Variants in COL6A3 observed in about 807,000 individuals in gnomAD.
COL6A3 encodes collagen type VI alpha 3 chain.
A neutral mutation model predicts 274.1 loss-of-function variants in COL6A3; 137 were observed. The observed-to-expected ratio is 0.50, with a 90% confidence interval of 0.44 to 0.58. The LOEUF (loss-of-function observed/expected upper bound fraction) is 0.58, where lower values mean the gene tolerates loss of function less well. Ranked by LOEUF, COL6A3 falls within the 20% of genes least tolerant of loss-of-function variation. COL6A3 has a pLI of 0.00. For missense variants in COL6A3, 3,950 were observed against 4,124.9 expected (o/e 0.96, Z 1.16); for synonymous variants, 1,650 against 1,650.6 (o/e 1.00, Z 0.01).
chr2:237,363,204 G>A lies in COL6A3; in HGVS notation c.6063+49C>T, dbSNP rs200589284. On this transcript the variant is annotated intron_variant, in intron 14 of 43. Transcript: ENST00000295550. ...ACTTCATTCTCTTGAAATGCCAAAA[G>A]GTGTGGTATCTACACTGGTCTGTGT... The A allele has an allele frequency of 3.4e-4, 535 of 1,591,868 alleles. 1 individual carries two copies. The highest frequency in any genetic ancestry group is 7.7e-4 in the Admixed American group (46 of 59,722).
At position 237,363,300 on chromosome 2, in the gene COL6A3, G is replaced by A. The variant is rs772662127; in HGVS notation, c.6016C>T (p.Leu2006=). 3 of 1,613,956 alleles carry A rather than the reference G, an allele frequency of 1.9e-6. No individual in the cohort carries two copies. Among genetic ancestry groups the A allele is most frequent in the South Asian group, 2.2e-5 (2 of 91,070 alleles). Residue 2006 remains leucine (L), a synonymous_variant, in exon 14 of 44, where the codon CTG becomes TTG. Coordinates refer to ENST00000295550, the MANE Select transcript of COL6A3 (RefSeq NM_004369.4). ...TCCAAGTCCAGCAAGTTAAGCCTCA[G>A]GGGCCTGTCATACATAAACCCTCGC... ...FGRGFMYDRP[L]RLNLLDLDYE... is the part of the protein sequence containing the mutation.
rs752002389 is a variant in COL6A3 at position 237,374,335 on chromosome 2, C to T, written c.3679+77G>A. The stretch of plus-strand genomic sequence containing the variant: ...ATGGCAGGAAAAGCAAAATTGAGAA[C>T]ACCTTGTGGCCCACAGTCCAGACAA... On this transcript the variant is annotated intron_variant, in intron 8 of 43. Coordinates refer to ENST00000295550, the MANE Select transcript of COL6A3 (RefSeq NM_004369.4). The surrounding 1 kb of genome is among the most constrained non-coding windows in gnomAD (Gnocchi z 4.8). The T allele has an allele frequency of 8.8e-6, 14 of 1,590,588 alleles. No individual in the cohort carries two copies. Among genetic ancestry groups the T allele is most frequent in the Admixed American group, 1.7e-5 (1 of 59,840 alleles).
intron 1 of COL6A3, among the ~76,000 whole-genome samples, chr2:237,406,150 A>G (rs1574778473): frequency 1.3e-5 from 2 of 152,174 alleles, no homozygotes; most frequent in South Asian, 4.1e-4. Flanking sequence ...ATTGCCCTAC[A>G]TGGCCCTTCA....
At chr2:237,351,504 T>C (rs1464651669) in intron 26 of COL6A3, among the ~76,000 whole-genome samples, 1 of 152,220 alleles carries the variant, frequency 6.6e-6, no homozygotes, top group Non-Finnish European at 1.5e-5. Flanking sequence ...CTCCCAGATT[T>C]TATGTGACTT....
At chr2:237,333,174 C>T (rs1700352109) in intron 42 of COL6A3, 4 of 504,896 alleles carry the variant, frequency 7.9e-6, no homozygotes, top group Admixed American at 3.2e-5. Context: ...GTATGAGGCA[C>T]AGGAGAAATG....
intron 38 of COL6A3, among the ~76,000 whole-genome samples, chr2:237,339,917 G>A (rs903897778): frequency 2.6e-5 from 4 of 152,162 alleles, no homozygotes; most frequent in East Asian, 1.9e-4. Flanking sequence ...AGAAGCCATT[G>A]GAATTGAACT....
chr2:237,395,266 C>T, intron 2 of COL6A3, 62 bp from the exon 3 acceptor site: 1 of 1,570,098 alleles, frequency 6.4e-7, no homozygotes, highest in East Asian at 2.2e-5. Flanking sequence ...CCTATCAATG[C>T]AAAGCCTTCC....
intron 23 of COL6A3, chr2:237,357,066 C>A: frequency 9.0e-6 from 5 of 555,296 alleles, no homozygotes; most frequent in East Asian, 3.1e-5. Context: ...TTGGATCAAA[C>A]CTGGCCCGAT....
intron 34 of COL6A3, 47 bp downstream of exon 34, chr2:237,345,011 G>A (rs372258481): frequency 4.3e-5 from 69 of 1,613,928 alleles, no homozygotes; most frequent in African/African-American, 2.9e-4. Context: ...TGAGAATTTC[G>A]AATGTAAAAA....
chr2:237,325,833 A>G (rs1268696269), intron 42 of COL6A3, 109 bp from the exon 43 acceptor site: 2 of 924,442 alleles, frequency 2.2e-6, no homozygotes, highest in Non-Finnish European at 3.3e-6. Flanking sequence ...AGGAAAAAAA[A>G]GAAGAGCTTC....
At chr2:237,392,994 G>A (rs532450954) in intron 3 of COL6A3, among the ~76,000 whole-genome samples, 12 of 152,258 alleles carry the variant, frequency 7.9e-5, no homozygotes, top group African/African-American at 2.2e-4. Context: ...CTCTCCTTCC[G>A]AGACCTGGCC....
At chr2:237,372,836 T>C (rs989362007) in intron 8 of COL6A3, among the ~76,000 whole-genome samples, 3 of 151,964 alleles carry the variant, frequency 2.0e-5, no homozygotes, top group Non-Finnish European at 2.9e-5. Context: ...AGAGAGGGTG[T>C]TTAAGAGAGA....
chr2:237,348,729 C>A lies in COL6A3; in HGVS notation c.6880-66G>T. 7 of 1,425,536 alleles carry A rather than the reference C, an allele frequency of 4.9e-6. No individual in the cohort carries two copies. The South Asian group carries it at 5.8e-5, about 12-fold the overall frequency. The allele number at this position is 1,425,536 out of a possible 1,614,324, so 88.3% of individuals were successfully genotyped here. On this transcript the variant is annotated intron_variant, in intron 28 of 43. Transcript: ENST00000295550. Reference sequence around the variant, plus strand: ...TGGCACACCATAACCACCGTCTCTGCCCTGCCGCTGCCCCTGAGAAGTGGA... The same window carrying A: ...TGGCACACCATAACCACCGTCTCTGACCTGCCGCTGCCCCTGAGAAGTGGA...
rs756402073 is a variant in COL6A3 at position 237,344,694 on chromosome 2, C to T, written c.7324G>A (p.Gly2442Arg). 1 of 1,609,782 alleles carries T rather than the reference C, an allele frequency of 6.2e-7. No homozygotes were observed. Among genetic ancestry groups the T allele is most frequent in the Non-Finnish European group, 8.5e-7 (1 of 1,177,338 alleles). The change falls in exon 36 of 44, where the codon GGG becomes AGG. Residue 2442 changes from glycine (G) to arginine (R), a missense_variant. This residue lies in a region of COL6A3 where 1,284 missense variants were observed against 1,349.7 expected (regional missense o/e 0.95). Transcript: ENST00000295550. The surrounding 1 kb of genome is among the most constrained non-coding windows in gnomAD (Gnocchi z 4.8). Reference protein sequence around the residue: ...LTIAESNCPRGARVAVVTYNN... With the variant: ...LTIAESNCPRRARVAVVTYNN... ...TAGGTGACCACAGCCACCCGGGCCC[C>T]CCGTGGGCAGTTGCTCTCAGCAATG...
intron 42 of COL6A3, among the ~76,000 whole-genome samples, chr2:237,331,197 C>T (rs912842002): frequency 1.3e-5 from 2 of 152,262 alleles, no homozygotes; most frequent in African/African-American, 4.8e-5. Flanking sequence ...ATATCGTGGT[C>T]ATTGGAATTT....
chr2:237,374,559 T>G lies in COL6A3; in HGVS notation c.3532A>C (p.Ile1178Leu). Residue 1178 changes from isoleucine to leucine, a missense_variant, in exon 8 of 44, where the codon ATC becomes CTC. Physicochemically the swap from Ile to Leu is conservative, Grantham distance 5. Coordinates refer to ENST00000295550, the MANE Select transcript of COL6A3 (RefSeq NM_004369.4). The surrounding 1 kb of genome is among the most constrained non-coding windows in gnomAD (Gnocchi z 4.8). ...GNADITEMQTISFIPDFAVAI... is the reference protein window; with the variant it reads ...GNADITEMQTLSFIPDFAVAI... ...ACGGCAAAGTCCGGGATGAAGGAGATGGTCTGCATCTCTGTGATGTCAGCG... is the reference window on the plus strand; with the variant it reads ...ACGGCAAAGTCCGGGATGAAGGAGAGGGTCTGCATCTCTGTGATGTCAGCG... 1 of 1,614,204 alleles carries G rather than the reference T, an allele frequency of 6.2e-7. No homozygotes were observed. Among genetic ancestry groups the G allele is most frequent in the Non-Finnish European group, 8.5e-7 (1 of 1,180,030 alleles).
Position 237,377,142 on chromosome 2 carries a change from C to T in COL6A3, c.2700G>A (p.Leu900=). 6.2e-7 allele frequency: 1 copy of T among 1,614,234 alleles called. No individual in the cohort carries two copies. The highest frequency in any genetic ancestry group is 8.5e-7 in the Non-Finnish European group (1 of 1,180,038). Residue 900 remains leucine, a synonymous_variant, in exon 7 of 44, where the codon CTG becomes CTA. Coordinates refer to ENST00000295550, the MANE Select transcript of COL6A3 (RefSeq NM_004369.4). ...TGATCTTCATTCTCTTCACAAGATTCAGGATCTCAGGCTTACTCTGGTGCT... is the reference window on the plus strand; with the variant it reads ...TGATCTTCATTCTCTTCACAAGATTTAGGATCTCAGGCTTACTCTGGTGCT... The part of the protein sequence containing the change: ...FDEHQSKPEI[L]NLVKRMKIKT...
chr2:237,381,895 C>G (rs1190744795), intron 4 of COL6A3, among the ~76,000 whole-genome samples: 1 of 152,308 alleles, frequency 6.6e-6, no homozygotes, highest in African/African-American at 2.4e-5. Flanking sequence ...TCAGAGAACC[C>G]TTTGCCTCAC....
intron 39 of COL6A3, among the ~76,000 whole-genome samples, chr2:237,338,272 C>G (rs1471358915): frequency 6.6e-6 from 1 of 152,158 alleles, no homozygotes; most frequent in Non-Finnish European, 1.5e-5. Context: ...ACCTGGTGAA[C>G]AAACCCAAGC....
Sources: allele counts gnomAD v4.1 joint callset (sites outside exome capture counted in the v4.1 genomes callset), GRCh38; gene constraint gnomAD v4.1.1; regional missense constraint gnomAD v4.1.1; non-coding constraint Gnocchi (gnomAD v3.1); transcripts MANE v1.5; gene names NCBI Gene and HGNC (gene_info 2026-07-23, HGNC 2026-07-21).